The following ZFAT variants were observed in gnomAD, a reference collection of about 807,000 sequenced individuals.
The protein encoded by ZFAT is zinc finger protein ZFAT.
A neutral mutation model predicts 117.7 loss-of-function variants in ZFAT; 64 were observed. The observed-to-expected ratio is 0.54, with a 90% CI of 0.44 to 0.67. The LOEUF (loss-of-function observed/expected upper bound fraction) is 0.67, where lower values mean the gene tolerates loss of function less well. Among genes scored for constraint, ZFAT ranks in the 30% least tolerant of loss-of-function variants. The pLI, the probability that ZFAT is intolerant of heterozygous loss-of-function variation, is 0.00. For missense variants in ZFAT, 1,433 were observed against 1,584.5 expected (o/e 0.90, Z 1.62); for synonymous variants, 679 against 615.0 (o/e 1.10, Z -1.54).
chr8:134,805,262 TAG>T, the ZFAT span, among the ~76,000 whole-genome samples: 1 of 152,224 alleles, frequency 6.6e-6, no homozygotes, highest in Non-Finnish European at 1.5e-5. Context: ...TTCTTCTCCC[TAG>T]AGTTTCAAAA....
the ZFAT span, among the ~76,000 whole-genome samples, chr8:134,804,172 A>G: frequency 6.6e-6 from 1 of 152,252 alleles, no homozygotes; most frequent in East Asian, 1.9e-4. Context: ...CACAAAAAAT[A>G]GATACAATAC....
intron 13 of ZFAT, among the ~76,000 whole-genome samples, chr8:134,520,537 G>A (rs547210599): frequency 2.0e-5 from 3 of 152,164 alleles, no homozygotes; most frequent in South Asian, 2.1e-4. Flanking sequence ...CAATTCTCTC[G>A]GTGAGGATGG....
the ZFAT span, among the ~76,000 whole-genome samples, chr8:134,772,259 C>A: frequency 6.6e-6 from 1 of 152,322 alleles, no homozygotes; most frequent in South Asian, 2.1e-4. Flanking sequence ...ATATTGAAAG[C>A]TAAGACAGGC....
intron 2 of ZFAT, 21 bp from the exon 3 acceptor site, chr8:134,637,733 C>A: frequency 6.2e-7 from 1 of 1,606,366 alleles, no homozygotes; most frequent in Non-Finnish European, 8.5e-7. Flanking sequence ...AACAAGAGGG[C>A]ACAATGGAAT....
chr8:134,829,294 C>CTA, the ZFAT span, among the ~76,000 whole-genome samples: 2 of 152,194 alleles, frequency 1.3e-5, no homozygotes, highest in Non-Finnish European at 2.9e-5. Context: ...ATTGTTAATG[C>CTA]ATTTGATGTG....
the ZFAT span, among the ~76,000 whole-genome samples, chr8:134,819,181 T>C: frequency 6.6e-6 from 1 of 150,918 alleles, no homozygotes; most frequent in East Asian, 1.9e-4. Flanking sequence ...TTACTTGCAA[T>C]AAAACTGCTA....
At chr8:134,709,831 A>T (rs1466267227) in intron 1 of ZFAT, among the ~76,000 whole-genome samples, 1 of 152,222 alleles carries the variant, frequency 6.6e-6, no homozygotes. Context: ...TGAGAAGCCC[A>T]CTGAGAAGGG....
At chr8:134,594,673 G>C (rs1044040052) in intron 7 of ZFAT, 1 of 152,144 alleles carries the variant, frequency 6.6e-6, no homozygotes, top group Non-Finnish European at 1.5e-5. Flanking sequence ...CCTATATGCC[G>C]TGTCCCTTAC....
chr8:134,532,232 T>C (rs1166544537), intron 12 of ZFAT, among the ~76,000 whole-genome samples: 2 of 152,214 alleles, frequency 1.3e-5, no homozygotes, highest in Non-Finnish European at 2.9e-5. Flanking sequence ...ATGTCTTTTT[T>C]TTCTTTTCAG....
At chr8:134,797,374 A>G in the ZFAT span, 1 of 152,134 alleles carries the variant, frequency 6.6e-6, no homozygotes, top group African/African-American at 2.4e-5. Context: ...AAACCTTATA[A>G]AAGTCCTCCC....
At chr8:134,611,940 T>C (rs1828363631) in intron 3 of ZFAT, among the ~76,000 whole-genome samples, 1 of 152,198 alleles carries the variant, frequency 6.6e-6, no homozygotes, top group Non-Finnish European at 1.5e-5. Flanking sequence ...TGGCTACCCT[T>C]GGCATTAGCC....
the ZFAT span, among the ~76,000 whole-genome samples, chr8:134,779,207 A>G: frequency 6.6e-6 from 1 of 152,208 alleles, no homozygotes; most frequent in African/African-American, 2.4e-5. Context: ...CCCGCAGGAC[A>G]GTGAGTCTCA....
At chr8:134,768,894 C>T in the ZFAT span, among the ~76,000 whole-genome samples, 8 of 152,122 alleles carry the variant, frequency 5.3e-5, no homozygotes, top group South Asian at 2.1e-4. Flanking sequence ...GTCCAAAGGT[C>T]GGGCATAGTG....
At chr8:134,779,743 A>G in the ZFAT span, among the ~76,000 whole-genome samples, 2 of 152,232 alleles carry the variant, frequency 1.3e-5, no homozygotes, top group African/African-American at 4.8e-5. Context: ...ATGTTATGAT[A>G]AACTCCCTAT....
At chr8:134,491,913 T>C (rs1361550250) in intron 15 of ZFAT, among the ~76,000 whole-genome samples, 2 of 152,252 alleles carry the variant, frequency 1.3e-5, no homozygotes, top group Non-Finnish European at 2.9e-5. Flanking sequence ...TATCTTGGTA[T>C]AGTCATGTCT....
chr8:134,599,731 T>C, intron 7 of ZFAT: 1 of 454,910 alleles, frequency 2.2e-6, no homozygotes, highest in African/African-American at 2.0e-5. Context: ...GAACCACACC[T>C]GGGGCCAGAT....
At position 134,712,950 on chromosome 8, in the gene ZFAT, G is replaced by A; in HGVS notation, c.-87C>T. 2 of 1,387,764 alleles carry A rather than the reference G, an allele frequency of 1.4e-6. No homozygotes were observed. Among genetic ancestry groups the A allele is most frequent in the Admixed American group, 3.3e-5 (1 of 30,706 alleles). 86.0% of individuals were successfully genotyped at this position (1,387,764 alleles called of 1,614,324 possible). A position where few individuals can be genotyped will look rare whatever the true frequency, so the allele number is the denominator to read the frequency against. On this transcript the variant is annotated 5_prime_UTR_variant, in exon 1 of 16. Coordinates refer to ENST00000377838, the MANE Select transcript of ZFAT (RefSeq NM_020863.4). Reference sequence around the variant, plus strand: ...GACCGAGGGGGCGGGGCGCCCTGCTGACGCTTCGCTTTTTATTTTTATTTT... The same window carrying A: ...GACCGAGGGGGCGGGGCGCCCTGCTAACGCTTCGCTTTTTATTTTTATTTT...
At chr8:134,631,109 T>C (rs751856428) in intron 3 of ZFAT, among the ~76,000 whole-genome samples, 5 of 152,224 alleles carry the variant, frequency 3.3e-5, no homozygotes, top group African/African-American at 4.8e-5. Flanking sequence ...ATTTGGTATT[T>C]GTTAAATTAA....
chr8:134,634,327 C>T (rs1014619125), intron 3 of ZFAT, among the ~76,000 whole-genome samples: 10 of 152,096 alleles, frequency 6.6e-5, no homozygotes, highest in African/African-American at 1.9e-4. Flanking sequence ...TTCTCTTTTT[C>T]AGTGTAACAG....
Sources: allele counts gnomAD v4.1 joint callset (sites outside exome capture counted in the v4.1 genomes callset), GRCh38; gene constraint gnomAD v4.1.1; transcripts MANE v1.5; gene names NCBI Gene and HGNC (gene_info 2026-07-23, HGNC 2026-07-21).